Variants in SLC14A2 observed in about 807,000 individuals in gnomAD.
SLC14A2 encodes the protein urea transporter 2.
A neutral mutation model predicts 104.6 loss-of-function variants in SLC14A2; 91 were observed. The ratio of observed to expected loss-of-function variants is 0.87; its 90% CI spans 0.73 to 1.04. SLC14A2 has a LOEUF of 1.04. SLC14A2 is among the 50% of genes least tolerant of loss of function. The probability of loss-of-function intolerance (pLI) is 0.00; values close to 1 mark genes in which losing one functional copy is unlikely to be tolerated. For missense variants in SLC14A2, 1,189 were observed against 1,156.0 expected, an observed-to-expected ratio of 1.03 and a Z score of -0.41; for synonymous variants, 476 against 466.4, an observed-to-expected ratio of 1.02 and a Z score of -0.27.
At chr18:45,433,661 T>C (rs1252602587) in intron 1 of SLC14A2, among the ~76,000 whole-genome samples, 2 of 152,230 alleles carry the variant, frequency 1.3e-5, no homozygotes, top group Non-Finnish European at 2.9e-5. Context: ...ATCTGCATTA[T>C]CTTAAAGCTT....
chr18:45,609,658 CTG>C (rs1440691654), intron 2 of SLC14A2, among the ~76,000 whole-genome samples: 1 of 152,224 alleles, frequency 6.6e-6, no homozygotes, highest in African/African-American at 2.4e-5. Flanking sequence ...AATAACCGAT[CTG>C]TCTCTCCTCT....
At chr18:45,399,928 G>T (rs1219393924) in intron 1 of SLC14A2, among the ~76,000 whole-genome samples, 1 of 152,016 alleles carries the variant, frequency 6.6e-6, no homozygotes, top group Non-Finnish European at 1.5e-5. Context: ...TGGCCCCAAA[G>T]GTCCTTCAGA....
intron 1 of SLC14A2, among the ~76,000 whole-genome samples, chr18:45,429,408 G>C (rs1206096134): frequency 6.6e-6 from 1 of 152,166 alleles, no homozygotes; most frequent in Non-Finnish European, 1.5e-5. Context: ...GAGAGGCATG[G>C]ACCTCTCTGA....
At chr18:45,177,366 C>T in the SLC14A2 span, among the ~76,000 whole-genome samples, 1 of 152,150 alleles carries the variant, frequency 6.6e-6, no homozygotes, top group East Asian at 1.9e-4. Context: ...ACCTGGTTAG[C>T]GGCATTTCAT....
intron 1 of SLC14A2, among the ~76,000 whole-genome samples, chr18:45,374,214 G>A (rs1443127748): frequency 6.6e-6 from 1 of 152,168 alleles, no homozygotes; most frequent in Non-Finnish European, 1.5e-5. Flanking sequence ...TGACAGCCTT[G>A]TCTCCATGCT....
At chr18:45,333,720 G>A (rs948084468) in intron 1 of SLC14A2, among the ~76,000 whole-genome samples, 4 of 152,198 alleles carry the variant, frequency 2.6e-5, no homozygotes, top group African/African-American at 9.6e-5. Flanking sequence ...TCTTTAATAC[G>A]CCTTGTCAAA....
chr18:45,286,209 C>A (rs534995262), intron 1 of SLC14A2, among the ~76,000 whole-genome samples: 1 of 152,176 alleles, frequency 6.6e-6, no homozygotes, highest in Non-Finnish European at 1.5e-5. Context: ...GCCCAGCCAC[C>A]TTTATTACTG....
chr18:45,581,015 A>G (rs1430191163), intron 2 of SLC14A2, among the ~76,000 whole-genome samples: 2 of 152,096 alleles, frequency 1.3e-5, no homozygotes, highest in East Asian at 3.9e-4. Context: ...CCTTGAGAGG[A>G]GACATGGCAG....
intron 1 of SLC14A2, among the ~76,000 whole-genome samples, chr18:45,395,062 T>G (rs555195698): frequency 6.6e-6 from 1 of 152,314 alleles, no homozygotes; most frequent in African/African-American, 2.4e-5. Flanking sequence ...GATCAGGATC[T>G]TGAAAATATA....
intron 1 of SLC14A2, among the ~76,000 whole-genome samples, chr18:45,225,684 G>A (rs1331048185): frequency 6.6e-6 from 1 of 152,096 alleles, no homozygotes; most frequent in Admixed American, 6.5e-5. Flanking sequence ...GTGGTTTGTA[G>A]TTCTTGAAGA....
the SLC14A2 span, among the ~76,000 whole-genome samples, chr18:45,204,033 T>C: frequency 6.6e-6 from 1 of 152,210 alleles, no homozygotes; most frequent in African/African-American, 2.4e-5. Flanking sequence ...GGAATATGCA[T>C]TATCCTAAGG....
intron 2 of SLC14A2, among the ~76,000 whole-genome samples, chr18:45,610,247 A>G (rs1018592318): frequency 6.6e-6 from 1 of 152,176 alleles, no homozygotes; most frequent in Non-Finnish European, 1.5e-5. Flanking sequence ...TGCATTTCTA[A>G]CAAGCTCCCA....
chr18:45,538,779 A>G (rs1488716174), intron 2 of SLC14A2, among the ~76,000 whole-genome samples: 1 of 151,878 alleles, frequency 6.6e-6, no homozygotes, highest in Non-Finnish European at 1.5e-5. Context: ...GCAATCTTGA[A>G]GTCTGATTCT....
At chr18:45,640,479 T>C (rs1001433293) in intron 7 of SLC14A2, among the ~76,000 whole-genome samples, 1 of 152,184 alleles carries the variant, frequency 6.6e-6, no homozygotes, top group Non-Finnish European at 1.5e-5. Context: ...AAACATTGGA[T>C]TGCCACTTAA....
chr18:45,202,588 A>G, the SLC14A2 span, among the ~76,000 whole-genome samples: 1 of 152,108 alleles, frequency 6.6e-6, no homozygotes, highest in African/African-American at 2.4e-5. Context: ...AGGATGATTA[A>G]GTCTGGGGTT....
rs1211258954 is a variant in SLC14A2, at chr18:45,625,755, G to T, written c.223G>T (p.Asp75Tyr). Residue 75 changes from aspartate (D) to tyrosine (Y), a missense_variant, in exon 3 of 20, where the codon GAC becomes TAC. Transcript: ENST00000255226. ...GCTCAATGAAAGGAGTAAAAGGAAA[G>T]ACGACGGGGTGGCCCATCGGGACTC... ...EKLNERSKRK[D>Y]DGVAHRDSAG... The T allele has an allele frequency of 3.2e-6, 5 of 1,565,902 alleles. No individual in the cohort carries two copies. The highest frequency in any genetic ancestry group is 2.6e-6 in the Non-Finnish European group (3 of 1,161,278).
At chr18:45,565,057 T>G (rs2044248086) in intron 2 of SLC14A2, among the ~76,000 whole-genome samples, 1 of 2,872 alleles carries the variant, frequency 3.5e-4, no homozygotes, top group Admixed American at 7.1e-3. Context: ...GATGTGTGTG[T>G]GTTCGTGCAT....
chr18:45,206,001 A>G, the SLC14A2 span, among the ~76,000 whole-genome samples: 1 of 152,186 alleles, frequency 6.6e-6, no homozygotes, highest in East Asian at 1.9e-4. Context: ...CTCTCAATGT[A>G]CTGTGAATCC....
chr18:45,398,216 A>G (rs1401933309), intron 1 of SLC14A2, among the ~76,000 whole-genome samples: 1 of 152,176 alleles, frequency 6.6e-6, no homozygotes, highest in Non-Finnish European at 1.5e-5. Context: ...TTCTGAGTCT[A>G]AAGCTCTTGT....
Sources: allele counts gnomAD v4.1 joint callset (sites outside exome capture counted in the v4.1 genomes callset), GRCh38; gene constraint gnomAD v4.1.1; transcripts MANE v1.5; gene names NCBI Gene and HGNC (gene_info 2026-07-23, HGNC 2026-07-21).